EDARADD: variants seen among roughly 807,000 people sequenced by gnomAD.
EDARADD encodes the protein EDAR associated via death domain.
Under a neutral mutation model 25.6 loss-of-function variants are expected in EDARADD, and 20 were observed. The observed-to-expected ratio is 0.78, with a 90% CI of 0.55 to 1.14. The LOEUF is 1.14. Among genes scored for constraint, EDARADD ranks in the 50% most tolerant of loss-of-function variants. The pLI, the probability that EDARADD is intolerant of heterozygous loss-of-function variation, is 0.00. For synonymous variants in EDARADD, 86 were observed against 94.4 expected, an observed-to-expected ratio of 0.91 and a Z score of 0.52; for missense variants, 225 against 270.1, an observed-to-expected ratio of 0.83 and a Z score of 1.17.
At chr1:236,477,416 C>G (rs939171068) in intron 5 of EDARADD, among the ~76,000 whole-genome samples, 2 of 151,878 alleles carry the variant, frequency 1.3e-5, no homozygotes, top group African/African-American at 4.8e-5. Context: ...TCGGGAGGCT[C>G]AGGCAGGAGC....
At chr1:236,363,004 A>ATATAT (rs1309610398) in intron 3 of EDARADD, among the ~76,000 whole-genome samples, 132 of 58,312 alleles carry the variant, frequency 2.3e-3, no homozygotes, top group African/African-American at 9.6e-3. Context: ...AAAAAAAAAA[A>ATATAT]AAATATATAT....
At chr1:236,355,573 G>A (rs773702801) in intron 3 of EDARADD, among the ~76,000 whole-genome samples, 14 of 127,804 alleles carry the variant, frequency 1.1e-4, no homozygotes, top group Non-Finnish European at 2.0e-4. Context: ...GCAGTGGCAC[G>A]ATCTCGGCTC....
intron 5 of EDARADD, among the ~76,000 whole-genome samples, chr1:236,479,745 C>CAAA (rs71928175): frequency 3.4e-5 from 5 of 146,200 alleles, no homozygotes; most frequent in African/African-American, 1.0e-4. Flanking sequence ...AAAGTTTAAT[C>CAAA]AAAAAAAAAA....
chr1:236,455,259 A>T (rs971862367), intron 4 of EDARADD, among the ~76,000 whole-genome samples: 1 of 151,952 alleles, frequency 6.6e-6, no homozygotes, highest in Non-Finnish European at 1.5e-5. Context: ...AATCCCATCC[A>T]ACAACTTCAT....
intron 4 of EDARADD, among the ~76,000 whole-genome samples, chr1:236,465,023 G>A (rs1483613691): frequency 1.3e-5 from 2 of 152,062 alleles, no homozygotes; most frequent in South Asian, 2.1e-4. Flanking sequence ...TGTCTTCTCC[G>A]TCACCTCTTC....
intron 3 of EDARADD, among the ~76,000 whole-genome samples, chr1:236,366,874 C>T (rs557249704): frequency 5.3e-5 from 8 of 151,798 alleles, no homozygotes; most frequent in East Asian, 2.0e-4. Flanking sequence ...GTCAGGAGTC[C>T]GAGACCAGCC....
In EDARADD at chr1:236,402,383, C is replaced by A. The variant is rs370517587; in HGVS notation, c.62-6833C>A. 5.9e-5 allele frequency among the ~76,000 whole-genome samples: 9 copies of A among 152,026 alleles called. No individual in the cohort carries two copies. The South Asian group carries it at 1.0e-3, about 18-fold the overall frequency. On this transcript the variant is annotated intron_variant, in intron 1 of 5. Coordinates refer to ENST00000334232, the MANE Select transcript of EDARADD (RefSeq NM_145861.4). ...AACCAGCCTGGGTAACATAGTGAGA[C>A]CCCCATCTCTACAAAAATAAAAATA...
chr1:236,423,975 C>T (rs1618063), intron 3 of EDARADD, among the ~76,000 whole-genome samples: 1 of 151,470 alleles, frequency 6.6e-6, no homozygotes, highest in African/African-American at 2.4e-5. Flanking sequence ...GCGTGGTGGT[C>T]GGCACCTGTA....
In EDARADD at chr1:236,394,358, C is replaced by A; in HGVS notation, c.-87C>A. 1 of 1,439,104 alleles carries A rather than the reference C, an allele frequency of 6.9e-7. No homozygotes were observed. The highest frequency in any genetic ancestry group is 9.8e-7 in the Non-Finnish European group (1 of 1,022,406). 89.1% of individuals were successfully genotyped at this position (1,439,104 alleles called of 1,614,324 possible). A position where few individuals can be genotyped will look rare whatever the true frequency, so the allele number is the denominator to read the frequency against. ...TTTCATCTAGAAGGTTTGACTCTGG[C>A]CAGACAACCAGCGAGCATCTTCTCG... is the stretch of plus-strand genomic sequence containing the variant. On this transcript the variant is annotated 5_prime_UTR_variant, in exon 1 of 6. Coordinates refer to ENST00000334232, the MANE Select transcript of EDARADD (RefSeq NM_145861.4).
chr1:236,439,414 A>T (rs1035361967), intron 4 of EDARADD, among the ~76,000 whole-genome samples: 1 of 152,220 alleles, frequency 6.6e-6, no homozygotes, highest in Non-Finnish European at 1.5e-5. Flanking sequence ...TAGGTTTCTA[A>T]GATGCCGCCA....
At chr1:236,481,579 A>C (rs564719499) in intron 5 of EDARADD, among the ~76,000 whole-genome samples, 12 of 147,042 alleles carry the variant, frequency 8.2e-5, no homozygotes, top group Non-Finnish European at 1.8e-4. Flanking sequence ...CCTGGGAAAC[A>C]TGGTGAAACC....
intron 3 of EDARADD, among the ~76,000 whole-genome samples, chr1:236,422,277 T>A (rs1657801819): frequency 6.6e-6 from 1 of 152,238 alleles, no homozygotes; most frequent in Admixed American, 6.5e-5. Context: ...AGTGTCTTGC[T>A]CACTGTCAGT....
chr1:236,408,462 C>T (rs1393474218), intron 1 of EDARADD, among the ~76,000 whole-genome samples: 1 of 152,168 alleles, frequency 6.6e-6, no homozygotes, highest in Non-Finnish European at 1.5e-5. Flanking sequence ...GCTTGGCCTC[C>T]CAAAGTGCTG....
chr1:236,458,967 A>C (rs936248765), intron 4 of EDARADD, among the ~76,000 whole-genome samples: 1 of 152,180 alleles, frequency 6.6e-6, no homozygotes, highest in Non-Finnish European at 1.5e-5. Flanking sequence ...CAAAGAAAAA[A>C]TAATAGAGTA....
chr1:236,360,419 G>A (rs907445320), intron 3 of EDARADD, among the ~76,000 whole-genome samples: 17 of 151,986 alleles, frequency 1.1e-4, no homozygotes, highest in Middle Eastern at 6.8e-3. Flanking sequence ...GTCACACAGA[G>A]ATTCATCTAC....
chr1:236,454,207 G>T (rs148834617), intron 4 of EDARADD, among the ~76,000 whole-genome samples: 1 of 152,022 alleles, frequency 6.6e-6, no homozygotes, highest in Non-Finnish European at 1.5e-5. Flanking sequence ...TACCACACCT[G>T]GCTAACTTTT....
At chr1:236,474,126 G>C (rs769162920) in intron 5 of EDARADD, among the ~76,000 whole-genome samples, 41 of 152,134 alleles carry the variant, frequency 2.7e-4, no homozygotes, top group Non-Finnish European at 5.3e-4. Flanking sequence ...ACTGGGATTC[G>C]AAGAGCACCA....
intron 3 of EDARADD, among the ~76,000 whole-genome samples, chr1:236,355,214 C>T (rs1319568927): frequency 6.6e-6 from 1 of 152,128 alleles, no homozygotes; most frequent in African/African-American, 2.4e-5. Context: ...AAGTAGATGG[C>T]CCATATTTAC....
intron 3 of EDARADD, among the ~76,000 whole-genome samples, chr1:236,385,311 A>C (rs1667339225): frequency 6.7e-6 from 1 of 150,190 alleles, no homozygotes; most frequent in African/African-American, 2.5e-5. Flanking sequence ...CGGGAGGCTG[A>C]GGCAGGAGAA....
Sources: gnomAD v4.1 joint callset for allele counts (sites outside exome capture counted in the v4.1 genomes callset) on GRCh38, gnomAD v4.1.1 for gene constraint, MANE v1.5 for transcripts, NCBI Gene and HGNC (gene_info 2026-07-23, HGNC 2026-07-21) for gene names.